The following SCAF8 variants were observed in gnomAD, a reference collection of about 807,000 sequenced individuals.
SCAF8 encodes the protein SR-related and CTD-associated factor 8.
In SCAF8, 23 loss-of-function variants were observed where a neutral mutation model predicts 140.5. The observed-to-expected ratio is 0.16, with a 90% CI of 0.12 to 0.23. SCAF8 has a LOEUF of 0.23. SCAF8 is among the 10% of genes least tolerant of loss of function. The pLI is 1.00. For synonymous variants in SCAF8, 575 were observed against 528.9 expected (o/e 1.09, Z -1.20); for missense variants, 1,397 against 1,555.7 (o/e 0.90, Z 1.72).
chr6:154,756,928 T>A (rs1023071688), intron 1 of SCAF8, among the ~76,000 whole-genome samples: 1 of 152,106 alleles, frequency 6.6e-6, no homozygotes, highest in African/African-American at 2.4e-5. Flanking sequence ...CTCGGGAGGC[T>A]GAGGTGGATC....
rs950535212 is a variant in SCAF8 at position 154,834,146 on chromosome 6, C to G, written c.*751C>G. 2 of 152,060 alleles carry G rather than the reference C, an allele frequency of 1.3e-5. No individual in the cohort carries two copies. Among genetic ancestry groups the G allele is most frequent in the South Asian group, 4.1e-4 (2 of 4,822 alleles). 9.4% of individuals were successfully genotyped at this position (152,060 alleles called of 1,614,324 possible). ...AGCATGTGCTTATTTTTTGCAAAAG[C>G]TTTCTATCATAACAACAATGAACTA... On this transcript the variant is annotated 3_prime_UTR_variant, in exon 20 of 20. Coordinates refer to ENST00000367178, the MANE Select transcript of SCAF8 (RefSeq NM_014892.5).
chr6:154,773,377 T>C (rs1303829202), intron 1 of SCAF8, among the ~76,000 whole-genome samples: 1 of 152,192 alleles, frequency 6.6e-6, no homozygotes, highest in East Asian at 1.9e-4. Flanking sequence ...TTGTAACATG[T>C]ATCAGTACTT....
chr6:154,749,672 G>A (rs1038257315), intron 1 of SCAF8, among the ~76,000 whole-genome samples: 5 of 152,170 alleles, frequency 3.3e-5, no homozygotes, highest in African/African-American at 1.2e-4. Flanking sequence ...GCTTTGGGTA[G>A]GGGATAGGGT....
At chr6:154,804,492 T>G (rs958741967) in intron 8 of SCAF8, among the ~76,000 whole-genome samples, 1 of 152,208 alleles carries the variant, frequency 6.6e-6, no homozygotes, top group South Asian at 2.1e-4. Context: ...CTTTCTGTAA[T>G]GAGAAGTTAA....
chr6:154,777,887 G>A (rs1583025696), intron 2 of SCAF8, 114 bp from the exon 3 acceptor site: 3 of 667,058 alleles, frequency 4.5e-6, no homozygotes, highest in Non-Finnish European at 7.9e-6. Context: ...AAAATTCTTG[G>A]TTAAGATAAT....
At chr6:154,768,621 A>G (rs1402063371) in intron 1 of SCAF8, among the ~76,000 whole-genome samples, 2 of 152,228 alleles carry the variant, frequency 1.3e-5, no homozygotes, top group African/African-American at 4.8e-5. Flanking sequence ...ATGATAAACT[A>G]AAATAAACTA....
Position 154,810,217 on chromosome 6 carries a change from CAT to C in SCAF8, c.1420+14_1420+15del, listed in dbSNP as rs767506297. 12 of 1,561,282 alleles carry C rather than the reference CAT, an allele frequency of 7.7e-6. No individual in the cohort carries two copies. Among genetic ancestry groups the C allele is most frequent in the Admixed American group, 2.0e-5 (1 of 50,806 alleles). On this transcript the variant is annotated intron_variant, in intron 12 of 19. Transcript: ENST00000367178. ...ATCTAAAACACTAAGTGGTAAGTAACATATATCTGCAACGCTTTGGTTTCAAT... is the reference window on the plus strand; with the variant it reads ...ATCTAAAACACTAAGTGGTAAGTAACATATCTGCAACGCTTTGGTTTCAAT...
At chr6:154,818,123 A>G (rs905001501) in intron 13 of SCAF8, among the ~76,000 whole-genome samples, 1 of 152,216 alleles carries the variant, frequency 6.6e-6, no homozygotes, top group African/African-American at 2.4e-5. Context: ...ATATAATACT[A>G]CTTTCCTTTT....
rs568096957 is a variant in SCAF8 at position 154,813,062 on chromosome 6, C to T, written c.1421-2654C>T. 3.0e-3 allele frequency among the ~76,000 whole-genome samples: 443 copies of T among 149,858 alleles called. 4 individuals carry two copies. Among genetic ancestry groups the T allele is most frequent in the African/African-American group, 0.011 (430 of 40,634 alleles). ...GCCAAAAAAAAAAAAAAAATTAGTT[C>T]GGCAAGGTGGTTCACACTTCTGTAG... On this transcript the variant is annotated intron_variant, in intron 12 of 19. Transcript: ENST00000367178.
At chr6:154,783,910 T>TA (rs1777158021) in intron 3 of SCAF8, among the ~76,000 whole-genome samples, 1 of 151,072 alleles carries the variant, frequency 6.6e-6, no homozygotes, top group Non-Finnish European at 1.5e-5. Context: ...TCTCTACTAA[T>TA]ACAAAAATTA....
intron 19 of SCAF8, 96 bp downstream of exon 19, chr6:154,831,236 C>T: frequency 1.4e-6 from 1 of 700,672 alleles, no homozygotes; most frequent in South Asian, 2.2e-5. Flanking sequence ...CTTCAATCTA[C>T]AGATGCTGAA....
At chr6:154,751,833 A>T (rs892651027) in intron 1 of SCAF8, among the ~76,000 whole-genome samples, 2 of 152,192 alleles carry the variant, frequency 1.3e-5, no homozygotes, top group African/African-American at 4.8e-5. Flanking sequence ...TAAGGAGCAT[A>T]CTACTGTGCT....
chr6:154,831,214 C>A, intron 19 of SCAF8, 74 bp downstream of exon 19: 3 of 846,496 alleles, frequency 3.5e-6, no homozygotes, highest in South Asian at 1.9e-5. Context: ...GGGTGGCATG[C>A]GTTTGTAACC....
chr6:154,795,315 C>T (rs972691336), intron 6 of SCAF8, among the ~76,000 whole-genome samples, 176 bp downstream of exon 6: 1 of 152,106 alleles, frequency 6.6e-6, no homozygotes, highest in African/African-American at 2.4e-5. Context: ...TGAATGCTTT[C>T]ATGTCATTAA....
At chr6:154,768,670 TTTG>T (rs1236632544) in intron 1 of SCAF8, among the ~76,000 whole-genome samples, 1 of 152,264 alleles carries the variant, frequency 6.6e-6, no homozygotes, top group African/African-American at 2.4e-5. Context: ...ACATGCCTTT[TTTG>T]TTTTTTCAAT....
At position 154,799,143 on chromosome 6, in the gene SCAF8, A is replaced by G. The variant is rs975386680; in HGVS notation, c.607-2828A>G. Among the ~76,000 whole-genome samples the G allele has an allele frequency of 3.3e-4, 49 of 150,054 alleles. 1 individual carries two copies. Among genetic ancestry groups the G allele is most frequent in the Admixed American group, 2.6e-4 (4 of 15,100 alleles). The stretch of plus-strand genomic sequence containing the variant: ...CAGGCACCCGCCACCACGCCGAGCT[A>G]ATTTTTGTATTTTTAGTAGATACGG... On this transcript the variant is annotated intron_variant, in intron 6 of 19. Transcript: ENST00000367178.
At chr6:154,770,388 A>ACACTCTCT (rs1384942827) in intron 1 of SCAF8, among the ~76,000 whole-genome samples, 2 of 141,918 alleles carry the variant, frequency 1.4e-5, no homozygotes, top group Non-Finnish European at 1.5e-5. Flanking sequence ...ACACACACAC[A>ACACTCTCT]CTCTCTCTCT....
chr6:154,801,597 G>A (rs187591873), intron 6 of SCAF8, among the ~76,000 whole-genome samples: 1 of 151,464 alleles, frequency 6.6e-6, no homozygotes, highest in African/African-American at 2.4e-5. Flanking sequence ...GTGCTCAGAT[G>A]GTAATTCTGA....
intron 1 of SCAF8, among the ~76,000 whole-genome samples, chr6:154,772,299 A>G (rs1255696170): frequency 6.6e-6 from 1 of 152,240 alleles, no homozygotes; most frequent in African/African-American, 2.4e-5. Flanking sequence ...ATCTCTGCAT[A>G]TAATAGAAGT....
Sources: gnomAD v4.1 joint callset for allele counts (sites outside exome capture counted in the v4.1 genomes callset) on GRCh38, gnomAD v4.1.1 for gene constraint, MANE v1.5 for transcripts, NCBI Gene and HGNC (gene_info 2026-07-23, HGNC 2026-07-21) for gene names.